The following SIAH1 variants were observed in gnomAD, a reference collection of about 807,000 sequenced individuals.
SIAH1 encodes siah E3 ubiquitin protein ligase 1, also known as E3 ubiquitin-protein ligase SIAH1.
SIAH1 carries 2 observed loss-of-function variants against 20.0 expected under a neutral mutation model. The ratio of observed to expected loss-of-function variants is 0.10; its 90% CI spans 0.04 to 0.31. SIAH1 has a LOEUF of 0.31. Among genes scored for constraint, SIAH1 ranks in the 10% least tolerant of loss-of-function variants. The pLI is 1.00. For synonymous variants in SIAH1, 118 were observed against 125.3 expected (o/e 0.94, Z 0.39); for missense variants, 119 against 355.3 (o/e 0.33, Z 5.35).
intron 1 of SIAH1, 109 bp downstream of exon 1, chr16:48,385,095 C>G (rs1473447017): frequency 6.2e-6 from 1 of 160,138 alleles, no homozygotes; most frequent in Non-Finnish European, 1.4e-5. Context: ...CTACTGCCCG[C>G]GCCCCGGCCG....
Position 48,362,751 on chromosome 16 carries a change from T to A in SIAH1, c.-2-321A>T. On this transcript the variant is annotated intron_variant, in intron 1 of 1. Transcript: ENST00000394725. The surrounding 1 kb of genome is among the most constrained non-coding windows in gnomAD (Gnocchi z 4.2). ...ATGGACCATAAACAACTAAAGAAAC[T>A]ATACAAGGAACTGAAGTTTAATCGA... The A allele has an allele frequency of 4.2e-6, 1 of 240,100 alleles. No individual in the cohort carries two copies. The highest frequency in any genetic ancestry group is 8.8e-6 in the Non-Finnish European group (1 of 113,526). 14.9% of individuals were successfully genotyped at this position (240,100 alleles called of 1,614,324 possible).
chr16:48,386,359 T>C (rs1452925734), upstream of SIAH1, among the ~76,000 whole-genome samples: 1 of 151,776 alleles, frequency 6.6e-6, no homozygotes, highest in Non-Finnish European at 1.5e-5. Flanking sequence ...ATACAAAAAT[T>C]AGCCGGGCGT....
chr16:48,372,954 T>G (rs1236616200), intron 1 of SIAH1, among the ~76,000 whole-genome samples: 1 of 151,992 alleles, frequency 6.6e-6, no homozygotes, highest in African/African-American at 2.4e-5. Flanking sequence ...GACGGATCAC[T>G]GGGCTCCTGC....
intron 1 of SIAH1, among the ~76,000 whole-genome samples, chr16:48,381,362 A>C (rs1488385489): frequency 6.6e-6 from 1 of 152,158 alleles, no homozygotes; most frequent in African/African-American, 2.4e-5. Flanking sequence ...GCAGCAAAAC[A>C]ACTAAACTCT....
chr16:48,366,883 T>C (rs539218527), intron 1 of SIAH1, among the ~76,000 whole-genome samples: 1 of 152,270 alleles, frequency 6.6e-6, no homozygotes, highest in Non-Finnish European at 1.5e-5. Flanking sequence ...TAATTGAAAA[T>C]AGACACAGTC....
chr16:48,369,209 T>C (rs1960922363), intron 1 of SIAH1, among the ~76,000 whole-genome samples: 1 of 150,470 alleles, frequency 6.6e-6, no homozygotes, highest in South Asian at 2.1e-4. Flanking sequence ...TCTTAAAAAT[T>C]GTATGTTTTT....
chr16:48,365,375 T>G (rs1238113300), intron 1 of SIAH1: 2 of 1,613,734 alleles, frequency 1.2e-6, no homozygotes, highest in African/African-American at 2.7e-5. Context: ...ACCATCCTCT[T>G]AATGTCAATA....
At chr16:48,378,654 T>C (rs1961174885) in intron 1 of SIAH1, among the ~76,000 whole-genome samples, 1 of 152,244 alleles carries the variant, frequency 6.6e-6, no homozygotes, top group Non-Finnish European at 1.5e-5. Context: ...GGTATTCTCC[T>C]AGAATCTCCT....
Position 48,384,952 on chromosome 16 carries a change from C to A in SIAH1, c.-3+252G>T, listed in dbSNP as rs1208900462. Among the ~76,000 whole-genome samples, 5 of 146,096 alleles carry A rather than the reference C, an allele frequency of 3.4e-5. No individual in the cohort carries two copies. In the East Asian group the frequency reaches 8.0e-4, roughly 23 times the overall value. On this transcript the variant is annotated intron_variant, in intron 1 of 1. Transcript: ENST00000394725. ...GGCCGCGCGGGGCCGACCCCCGCCGCCACCCCGCCGGGCCCGGGGCTCCAG... is the reference window on the plus strand; with the variant it reads ...GGCCGCGCGGGGCCGACCCCCGCCGACACCCCGCCGGGCCCGGGGCTCCAG...
chr16:48,371,114 CAAAAAAAA>C (rs11342599), intron 1 of SIAH1, among the ~76,000 whole-genome samples: 1 of 111,396 alleles, frequency 9.0e-6, no homozygotes, highest in African/African-American at 3.4e-5. Flanking sequence ...AATTCCATCT[CAAAAAAAA>C]AAAAAAAAAA....
intron 1 of SIAH1, among the ~76,000 whole-genome samples, chr16:48,366,210 C>T (rs1466652739): frequency 1.3e-5 from 2 of 152,170 alleles, no homozygotes; most frequent in Non-Finnish European, 2.9e-5. Flanking sequence ...CGAATATCGG[C>T]AGTTTCTTAT....
upstream of SIAH1, among the ~76,000 whole-genome samples, chr16:48,385,790 C>T (rs1444463172): frequency 6.6e-6 from 1 of 151,924 alleles, no homozygotes; most frequent in Non-Finnish European, 1.5e-5. Flanking sequence ...GGGATGCGAG[C>T]CCCAGGCTGG....
chr16:48,366,686 T>C (rs1960850263), intron 1 of SIAH1, among the ~76,000 whole-genome samples: 1 of 152,208 alleles, frequency 6.6e-6, no homozygotes, highest in African/African-American at 2.4e-5. Flanking sequence ...ACATCATGCT[T>C]AGGGCAGCCT....
intron 1 of SIAH1, among the ~76,000 whole-genome samples, chr16:48,367,006 G>A (rs1420593256): frequency 6.6e-6 from 1 of 151,884 alleles, no homozygotes; most frequent in Non-Finnish European, 1.5e-5. Flanking sequence ...TTCTGGGCTC[G>A]AGCAATCCTC....
At chr16:48,364,157 G>T (rs1325941304) in intron 1 of SIAH1, among the ~76,000 whole-genome samples, 1 of 151,682 alleles carries the variant, frequency 6.6e-6, no homozygotes, top group African/African-American at 2.4e-5. Context: ...ACCATGGCTG[G>T]TCTCGAACTC....
chr16:48,369,448 T>C (rs1314981754), intron 1 of SIAH1, among the ~76,000 whole-genome samples: 1 of 152,158 alleles, frequency 6.6e-6, no homozygotes, highest in Non-Finnish European at 1.5e-5. Context: ...AAGCTAAACA[T>C]TAGATATACA....
At chr16:48,384,963 G>A (rs1597036923) in intron 1 of SIAH1, among the ~76,000 whole-genome samples, 1 of 146,158 alleles carries the variant, frequency 6.8e-6, no homozygotes, top group Non-Finnish European at 1.5e-5. Context: ...CACCCCGCCG[G>A]GCCCGGGGCT....
In SIAH1 at chr16:48,361,353, G is replaced by T. The variant is rs1288377922; in HGVS notation, c.*227C>A. The T allele has an allele frequency of 4.1e-6, 2 of 491,818 alleles. No individual in the cohort carries two copies. Among genetic ancestry groups the T allele is most frequent in the African/African-American group, 3.9e-5 (2 of 51,840 alleles). 30.5% of individuals were successfully genotyped at this position (491,818 alleles called of 1,614,324 possible). ...TTAATACAAAAGATGCCCATCTTGGGTGTATATACATATATTTTTTCAGTG... is the reference window on the plus strand; with the variant it reads ...TTAATACAAAAGATGCCCATCTTGGTTGTATATACATATATTTTTTCAGTG... On this transcript the variant is annotated 3_prime_UTR_variant, in exon 2 of 2. Transcript: ENST00000394725.
At chr16:48,372,162 A>G (rs748706984) in intron 1 of SIAH1, among the ~76,000 whole-genome samples, 31 of 152,212 alleles carry the variant, frequency 2.0e-4, no homozygotes, top group Non-Finnish European at 3.8e-4. Context: ...TGAGTCTGAT[A>G]TATTTTGATT....
Sources: allele counts gnomAD v4.1 joint callset (sites outside exome capture counted in the v4.1 genomes callset), GRCh38; gene constraint gnomAD v4.1.1; non-coding constraint Gnocchi (gnomAD v3.1); transcripts MANE v1.5; gene names NCBI Gene and HGNC (gene_info 2026-07-23, HGNC 2026-07-21).